Variants in MAP3K19 observed in about 807,000 individuals in gnomAD.
MAP3K19 encodes the protein SPS1/STE20-related protein kinase YSK4.
MAP3K19 carries 91 observed loss-of-function variants against 114.4 expected under a neutral mutation model. The ratio of observed to expected loss-of-function variants is 0.80; its 90% CI spans 0.67 to 0.95. The LOEUF (loss-of-function observed/expected upper bound fraction) is 0.95. MAP3K19 is among the 40% of genes least tolerant of loss of function. The pLI, the probability that MAP3K19 is intolerant of heterozygous loss-of-function variation, is 0.00. For synonymous variants in MAP3K19, 518 were observed against 530.5 expected (o/e 0.98, Z 0.32); for missense variants, 1,471 against 1,573.2 (o/e 0.94, Z 1.10).
rs940027481 is a variant in MAP3K19 at position 135,024,185 on chromosome 2, G to A, written c.22+441C>T. Among the ~76,000 whole-genome samples the A allele has an allele frequency of 3.3e-5, 5 of 152,172 alleles. No individual in the cohort carries two copies. In the South Asian group the frequency reaches 6.2e-4, roughly 19 times the overall value. ...GCCCCCGAAGCTTCAAACAGAAAGC[G>A]AATCAAACAATAAAGTCAGGCAGCT... On this transcript the variant is annotated intron_variant, in intron 4 of 12. Coordinates refer to ENST00000392915, the MANE Select transcript of MAP3K19 (RefSeq NM_025052.5).
At chr2:135,041,231 T>A (rs1275391035) in intron 1 of MAP3K19, among the ~76,000 whole-genome samples, 1 of 152,178 alleles carries the variant, frequency 6.6e-6, no homozygotes, top group Non-Finnish European at 1.5e-5. Flanking sequence ...GTTCTGGATT[T>A]TCCGGAAAGC....
Position 134,986,083 on chromosome 2 carries a change from T to A in MAP3K19, c.2789A>T (p.Asp930Val), listed in dbSNP as rs763085418. The part of the protein sequence containing the change: ...YQYWVHYLDH[D>V]SLANKSITYQ... ...TGTGATTGACTTATTTGCTAAACTA[T>A]CATGATCCAAATAATGTACCCAATA... Residue 930 changes from aspartate (D) to valine (V), a missense_variant, in exon 10 of 13, where the codon GAT (aspartate) becomes GTT (valine). Asp to Val is a radical substitution (Grantham distance 152). Coordinates refer to ENST00000392915, the MANE Select transcript of MAP3K19 (RefSeq NM_025052.5). The A allele has an allele frequency of 6.2e-7, 1 of 1,614,112 alleles. No homozygotes were observed. The highest frequency in any genetic ancestry group is 8.5e-7 in the Non-Finnish European group (1 of 1,180,004).
intron 5 of MAP3K19, among the ~76,000 whole-genome samples, chr2:135,019,015 G>A (rs1481657008): frequency 6.6e-6 from 1 of 151,840 alleles, no homozygotes; most frequent in Non-Finnish European, 1.5e-5. Context: ...GGAGGCAGAG[G>A]TTGCAGTGAG....
Position 134,985,787 on chromosome 2 carries a change from T to A in MAP3K19, c.3072+13A>T. 6.3e-7 allele frequency: 1 copy of A among 1,575,308 alleles called. No homozygotes were observed. The highest frequency in any genetic ancestry group is 8.6e-7 in the Non-Finnish European group (1 of 1,163,480). The stretch of plus-strand genomic sequence containing the variant: ...TCCCACCCCAATGAATCTTGGATTC[T>A]AATTATACCAACCTGTATTTTGACT... On this transcript the variant is annotated intron_variant, in intron 10 of 12. Transcript: ENST00000392915.
chr2:134,973,077 A>G (rs1188138437), intron 12 of MAP3K19, among the ~76,000 whole-genome samples: 1 of 152,166 alleles, frequency 6.6e-6, no homozygotes, highest in African/African-American at 2.4e-5. Flanking sequence ...AAAATGTTCC[A>G]TGTTTTAATG....
rs183183406 is a variant in MAP3K19, at chr2:134,973,081, T to C, written c.3920+7740A>G. 1.0e-3 allele frequency among the ~76,000 whole-genome samples: 152 copies of C among 152,318 alleles called. 1 individual carries two copies. Among genetic ancestry groups the C allele is most frequent in the African/African-American group, 3.2e-3 (135 of 41,562 alleles). ...GCCTATCCTGGAAAATGTTCCATGT[T>C]TTAATGGGAACATTTATTCTGCCAT... On this transcript the variant is annotated intron_variant, in intron 12 of 12. Transcript: ENST00000392915.
chr2:135,021,978 A>C (rs1688013579), intron 4 of MAP3K19, 148 bp from the exon 5 acceptor site: 1 of 521,816 alleles, frequency 1.9e-6, no homozygotes, highest in Admixed American at 4.0e-5. Flanking sequence ...AGCTTCAAGC[A>C]CTAATTTTCA....
At chr2:134,991,802 T>A (rs560243389) in intron 8 of MAP3K19, among the ~76,000 whole-genome samples, 1 of 152,314 alleles carries the variant, frequency 6.6e-6, no homozygotes, top group South Asian at 2.1e-4. Flanking sequence ...ATATCTCTAT[T>A]CTGACAGAAA....
At chr2:135,031,941 G>A (rs1688390798) in intron 2 of MAP3K19, among the ~76,000 whole-genome samples, 1 of 152,108 alleles carries the variant, frequency 6.6e-6, no homozygotes. Context: ...TGAAGCAATG[G>A]AACAGCCTTC....
intron 5 of MAP3K19, among the ~76,000 whole-genome samples, chr2:135,011,614 C>T (rs1294239169): frequency 6.6e-6 from 1 of 151,724 alleles, no homozygotes; most frequent in South Asian, 2.1e-4. Flanking sequence ...CCTGTAATTC[C>T]TGCACTTTAG....
intron 5 of MAP3K19, among the ~76,000 whole-genome samples, chr2:135,017,177 G>A (rs929787071): frequency 3.3e-5 from 5 of 152,168 alleles, no homozygotes; most frequent in African/African-American, 1.2e-4. Context: ...AATATGACTA[G>A]AAGTTCTCTA....
intron 2 of MAP3K19, among the ~76,000 whole-genome samples, chr2:135,036,652 TG>T (rs1688535846): frequency 1.4e-5 from 2 of 146,826 alleles, no homozygotes; most frequent in African/African-American, 5.3e-5. Flanking sequence ...TGTGTGTGTG[TG>T]TGTGTGTGTG....
chr2:135,039,817 T>C lies in MAP3K19; in HGVS notation c.-284+546A>G, dbSNP rs563660764. ...TTATGGCACACAATGATATAACTGA[T>C]GAATAAGACCCAAATGGGTTACTTT... On this transcript the variant is annotated intron_variant, in intron 2 of 12. Transcript: ENST00000392915. 7.9e-5 allele frequency among the ~76,000 whole-genome samples: 12 copies of C among 152,316 alleles called. No homozygotes were observed. The East Asian group carries it at 1.9e-3, about 24-fold the overall frequency.
intron 5 of MAP3K19, among the ~76,000 whole-genome samples, chr2:135,019,118 C>T (rs977916338): frequency 1.6e-4 from 24 of 151,792 alleles, no homozygotes; most frequent in African/African-American, 4.6e-4. Flanking sequence ...TGGATTATGA[C>T]TCTAAATGTA....
At chr2:135,039,508 G>A (rs1309781199) in intron 2 of MAP3K19, among the ~76,000 whole-genome samples, 3 of 152,092 alleles carry the variant, frequency 2.0e-5, no homozygotes, top group Middle Eastern at 3.2e-3. Flanking sequence ...ACCTGAGTCT[G>A]GGCAGGTTGA....
chr2:135,033,356 G>A (rs1688436810), intron 2 of MAP3K19, among the ~76,000 whole-genome samples: 1 of 117,996 alleles, frequency 8.5e-6, no homozygotes, highest in African/African-American at 4.4e-5. Flanking sequence ...CGGGGCAGCT[G>A]GCCGGGTGGG....
rs758051984 is a variant in MAP3K19 at position 134,987,335 on chromosome 2, G to T, written c.1537C>A (p.His513Asn). Residue 513 changes from histidine to asparagine, a missense_variant, in exon 10 of 13, where the codon CAT (histidine) becomes AAT (asparagine). By Grantham distance (68) the His-to-Asn change is moderately conservative. Transcript: ENST00000392915. ...GGTATGTTGACACTATGGTTGTTATGAATGGTTCCCTTTCTTGTTTGGAGG... is the reference window on the plus strand; with the variant it reads ...GGTATGTTGACACTATGGTTGTTATTAATGGTTCCCTTTCTTGTTTGGAGG... The part of the protein sequence containing the change: ...PSLQTRKGTI[H>N]NNHSVNIPVH... The T allele has an allele frequency of 6.2e-7, 1 of 1,614,102 alleles. No homozygotes were observed. Among genetic ancestry groups the T allele is most frequent in the South Asian group, 1.1e-5 (1 of 91,080 alleles).
intron 12 of MAP3K19, among the ~76,000 whole-genome samples, chr2:134,973,657 G>GTTTC (rs1305945745): frequency 6.6e-6 from 1 of 152,016 alleles, no homozygotes; most frequent in African/African-American, 2.4e-5. Flanking sequence ...TTGTTTGTTT[G>GTTTC]TTTGTTTGTT....
chr2:134,989,703 A>T (rs901004071), intron 9 of MAP3K19, among the ~76,000 whole-genome samples: 1 of 152,224 alleles, frequency 6.6e-6, no homozygotes. Flanking sequence ...AAAAACTTAT[A>T]AATTAGACAG....
Sources: gnomAD v4.1 joint callset for allele counts (sites outside exome capture counted in the v4.1 genomes callset) on GRCh38, gnomAD v4.1.1 for gene constraint, MANE v1.5 for transcripts, NCBI Gene and HGNC (gene_info 2026-07-23, HGNC 2026-07-21) for gene names.